Variants in RANBP3 observed in about 807,000 individuals in gnomAD.
The protein encoded by RANBP3 is RAN binding protein 3.
RANBP3 carries 14 observed loss-of-function variants against 77.3 expected under a neutral mutation model. That is an observed-to-expected ratio of 0.18 (90% CI 0.12 to 0.28). The LOEUF (loss-of-function observed/expected upper bound fraction) is 0.28, where lower values mean the gene tolerates loss of function less well. RANBP3 is among the 10% of genes least tolerant of loss of function. The pLI, the probability that RANBP3 is intolerant of heterozygous loss-of-function variation, is 1.00. For missense variants in RANBP3, 586 were observed against 752.3 expected (o/e 0.78, Z 2.59); for synonymous variants, 315 against 312.4 (o/e 1.01, Z -0.09).
At chr19:5,956,981 C>A (rs1301527065) in intron 2 of RANBP3, among the ~76,000 whole-genome samples, 2 of 151,914 alleles carry the variant, frequency 1.3e-5, no homozygotes, top group African/African-American at 2.4e-5. Context: ...GGAGTGCCGC[C>A]GCTGGGCATC....
chr19:5,940,164 G>A (rs2058116940), intron 5 of RANBP3, among the ~76,000 whole-genome samples: 1 of 152,256 alleles, frequency 6.6e-6, no homozygotes, highest in African/African-American at 2.4e-5. Context: ...CTTGGGGGCT[G>A]CTGCGCTGGA....
In RANBP3 at chr19:5,949,360, C is replaced by G. The variant is rs547036984; in HGVS notation, c.282+2033G>C. ...AAGTTTACTTTGCTCTGAGCAGGCC[C>G]GATTAGTAGAGAAAGCCAATTAACA... On this transcript the variant is annotated intron_variant, in intron 3 of 16. Transcript: ENST00000340578. Among the ~76,000 whole-genome samples the G allele has an allele frequency of 3.3e-5, 5 of 152,272 alleles. No individual in the cohort carries two copies. In the East Asian group the frequency reaches 5.8e-4, roughly 18 times the overall value.
intron 2 of RANBP3, among the ~76,000 whole-genome samples, chr19:5,953,254 G>A (rs2058296647): frequency 6.6e-6 from 1 of 152,188 alleles, no homozygotes. Context: ...TCAGGTCCTA[G>A]CATTTCTCCT....
chr19:5,933,662 G>A (rs868356670), intron 5 of RANBP3, 183 bp from the exon 6 acceptor site: 2 of 541,878 alleles, frequency 3.7e-6, no homozygotes, highest in Non-Finnish European at 6.6e-6. Context: ...GGCGCCTGGA[G>A]GAGGGGAGAG....
chr19:5,922,620 C>T (rs971369401), intron 13 of RANBP3, among the ~76,000 whole-genome samples: 32 of 152,354 alleles, frequency 2.1e-4, no homozygotes, highest in African/African-American at 7.7e-4. Flanking sequence ...TTTGGTATGA[C>T]AGTCTTTGTC....
rs2057873032 is a variant in RANBP3 at position 5,924,412 on chromosome 19, A to T, written c.996+415T>A. Among the ~76,000 whole-genome samples, 1 of 152,222 alleles carries T rather than the reference A, an allele frequency of 6.6e-6. No homozygotes were observed. The highest frequency in any genetic ancestry group is 1.5e-5 in the Non-Finnish European group (1 of 68,034). On this transcript the variant is annotated intron_variant, in intron 11 of 16. Coordinates refer to ENST00000340578, the MANE Select transcript of RANBP3 (RefSeq NM_007322.3). This position sits in a 1 kb window ranked among gnomAD's most constrained non-coding sequence, Gnocchi z 4.7. ...GGGAACGGAGATGGGCCTTTCGTGC[A>T]CCCAAGGCCTTGGCCGCGGTTATGC...
At chr19:5,925,556 C>A in intron 10 of RANBP3, 78 bp downstream of exon 10, 1 of 1,301,302 alleles carries the variant, frequency 7.7e-7, no homozygotes, top group Non-Finnish European at 1.1e-6. Context: ...ACGGGGACCA[C>A]AGACCCCTCT....
intron 3 of RANBP3, among the ~76,000 whole-genome samples, chr19:5,947,828 C>T (rs987460285): frequency 2.6e-5 from 4 of 152,076 alleles, no homozygotes; most frequent in African/African-American, 9.7e-5. Flanking sequence ...TTCTGTGAGG[C>T]GCATGAGTCC....
chr19:5,922,463 G>A (rs894172031), intron 13 of RANBP3, among the ~76,000 whole-genome samples: 7 of 152,200 alleles, frequency 4.6e-5, no homozygotes, highest in African/African-American at 1.4e-4. Flanking sequence ...GCCGGGTGGT[G>A]CGGCCTGAGG....
intron 3 of RANBP3, among the ~76,000 whole-genome samples, chr19:5,946,935 C>T (rs964063929): frequency 2.0e-5 from 3 of 152,210 alleles, no homozygotes; most frequent in African/African-American, 4.8e-5. Context: ...GCAGTGGGTC[C>T]TCAGGGGTTG....
chr19:5,922,590 C>T (rs2057837103), intron 13 of RANBP3, among the ~76,000 whole-genome samples: 1 of 152,222 alleles, frequency 6.6e-6, no homozygotes, highest in African/African-American at 2.4e-5. Context: ...GTTGCCAGCT[C>T]TGGGCGACAA....
In RANBP3 at chr19:5,957,478, T is replaced by C. The variant is rs550200355; in HGVS notation, c.78+440A>G. ...CGCCCAGCTCGTTAGGGCCAATAAA[T>C]CCAGGCTTAAAGGTCTTGTTTCCCC... On this transcript the variant is annotated intron_variant, in intron 2 of 16. Transcript: ENST00000340578. Among the ~76,000 whole-genome samples, 129 of 152,152 alleles carry C rather than the reference T, an allele frequency of 8.5e-4. 2 individuals carry two copies. In the South Asian group the frequency reaches 1.0e-2, roughly 12 times the overall value.
chr19:5,964,988 C>T (rs2058449538), intron 1 of RANBP3, among the ~76,000 whole-genome samples: 1 of 152,058 alleles, frequency 6.6e-6, no homozygotes, highest in African/African-American at 2.4e-5. Flanking sequence ...GTTCCTATGA[C>T]AGCTTTTTTG....
At chr19:5,947,547 G>C (rs1014220922) in intron 3 of RANBP3, among the ~76,000 whole-genome samples, 13 of 152,124 alleles carry the variant, frequency 8.5e-5, no homozygotes, top group African/African-American at 2.9e-4. Flanking sequence ...ACACCATGAT[G>C]ACAACATCCC....
chr19:5,927,437 G>A (rs1230270365), intron 9 of RANBP3, among the ~76,000 whole-genome samples: 1 of 152,216 alleles, frequency 6.6e-6, no homozygotes, highest in Non-Finnish European at 1.5e-5. Flanking sequence ...AGGGAATACT[G>A]GCCACGTCTG....
intron 3 of RANBP3, among the ~76,000 whole-genome samples, chr19:5,943,115 C>T (rs1416000557): frequency 1.3e-5 from 2 of 152,200 alleles, no homozygotes; most frequent in Non-Finnish European, 2.9e-5. Context: ...ATTTAGCAGC[C>T]CAAAGCGCAC....
intron 15 of RANBP3, 45 bp downstream of exon 15, chr19:5,918,451 C>T (rs757796821): frequency 6.9e-6 from 9 of 1,312,724 alleles, no homozygotes; most frequent in Non-Finnish European, 9.0e-6. Flanking sequence ...CCCCACAGGG[C>T]TGGCAGGATG....
At position 5,916,658 on chromosome 19, in the gene RANBP3, G is replaced by T. The variant is rs191078823; in HGVS notation, c.*952C>A. 5 of 152,552 alleles carry T rather than the reference G, an allele frequency of 3.3e-5. No homozygotes were observed. The highest frequency in any genetic ancestry group is 1.2e-4 in the African/African-American group (5 of 41,478). The allele number at this position is 152,552 out of a possible 1,614,324, so 9.4% of individuals were successfully genotyped here. A position where few individuals can be genotyped will look rare whatever the true frequency, so the allele number is the denominator to read the frequency against. The stretch of plus-strand genomic sequence containing the variant: ...CCCCTGGCCCTGGACTGTCCTGGGG[G>T]CAGGGACACCTGTGGCTGGGGAAGG... On this transcript the variant is annotated 3_prime_UTR_variant, in exon 17 of 17. Coordinates refer to ENST00000340578, the MANE Select transcript of RANBP3 (RefSeq NM_007322.3).
chr19:5,938,351 C>T (rs1176228055), intron 5 of RANBP3, among the ~76,000 whole-genome samples: 1 of 152,154 alleles, frequency 6.6e-6, no homozygotes, highest in Non-Finnish European at 1.5e-5. Context: ...ACCAAAAAGG[C>T]AGGCTCCATA....
Sources: allele counts gnomAD v4.1 joint callset (sites outside exome capture counted in the v4.1 genomes callset), GRCh38; gene constraint gnomAD v4.1.1; non-coding constraint Gnocchi (gnomAD v3.1); transcripts MANE v1.5; gene names NCBI Gene and HGNC (gene_info 2026-07-23, HGNC 2026-07-21).